The following SEC31A variants were observed in gnomAD, a reference collection of about 807,000 sequenced individuals.
SEC31A encodes the protein protein transport protein Sec31A.
In SEC31A, 70 loss-of-function variants were observed where a neutral mutation model predicts 151.0. The ratio of observed to expected loss-of-function variants is 0.46; its 90% CI spans 0.38 to 0.57. The LOEUF is 0.57. Ranked by LOEUF, SEC31A falls within the 20% of genes least tolerant of loss-of-function variation. SEC31A has a pLI of 0.00. For synonymous variants in SEC31A, 475 were observed against 505.9 expected (o/e 0.94, Z 0.82); for missense variants, 1,330 against 1,471.2 (o/e 0.90, Z 1.57).
chr4:82,858,334 G>A (rs888965728), intron 14 of SEC31A, among the ~76,000 whole-genome samples: 42 of 149,656 alleles, frequency 2.8e-4, no homozygotes, highest in African/African-American at 5.4e-4. Context: ...TCACGAGGTC[G>A]GGAGATCGAG....
At chr4:82,876,028 TAAC>T (rs1007271622) in intron 4 of SEC31A, among the ~76,000 whole-genome samples, 7 of 152,124 alleles carry the variant, frequency 4.6e-5, no homozygotes, top group African/African-American at 1.7e-4. Flanking sequence ...AAATTCTACT[TAAC>T]AAAGACAAAA....
chr4:82,869,503 T>A (rs1303186233), intron 8 of SEC31A, among the ~76,000 whole-genome samples: 1 of 152,078 alleles, frequency 6.6e-6, no homozygotes, highest in Non-Finnish European at 1.5e-5. Context: ...ACACAACTAA[T>A]CACAGGCAAA....
chr4:82,868,877 T>C (rs1307122593), intron 8 of SEC31A, among the ~76,000 whole-genome samples: 2 of 151,974 alleles, frequency 1.3e-5, no homozygotes, highest in African/African-American at 4.8e-5. Context: ...GTATTTGTTG[T>C]GGAGATGGGG....
Position 82,842,445 on chromosome 4 carries a change from CCT to C in SEC31A, c.2661_2662del (p.Gly889ValfsTer20), listed in dbSNP as rs1369334636. On this transcript the variant is annotated frameshift_variant, in exon 22 of 27. Coordinates refer to ENST00000395310, the MANE Select transcript of SEC31A (RefSeq NM_001077207.4). LOFTEE classifies it high-confidence loss of function. The stretch of plus-strand genomic sequence containing the variant: ...CTGAGGTCGATACATTGCTGACCCC[CCT>C]GTTCCGAAGGGATACGGCTGGGCTG... 6.2e-7 allele frequency: 1 copy of C among 1,613,464 alleles called. No homozygotes were observed. Among genetic ancestry groups the C allele is most frequent in the Admixed American group, 1.7e-5 (1 of 59,876 alleles).
intron 22 of SEC31A, among the ~76,000 whole-genome samples, chr4:82,831,556 G>T (rs2149066041): frequency 6.6e-6 from 1 of 152,308 alleles, no homozygotes; most frequent in African/African-American, 2.4e-5. Flanking sequence ...GGGAACTGGA[G>T]AAATGGGGTG....
chr4:82,838,829 C>T (rs913553118), intron 22 of SEC31A, among the ~76,000 whole-genome samples: 6 of 152,208 alleles, frequency 3.9e-5, no homozygotes, highest in African/African-American at 1.4e-4. Context: ...ATTAGTTTCT[C>T]TGAGCCCTGA....
chr4:82,848,618 TGA>T (rs544293790), intron 20 of SEC31A, among the ~76,000 whole-genome samples, 184 bp downstream of exon 20: 31 of 152,282 alleles, frequency 2.0e-4, no homozygotes, highest in African/African-American at 7.2e-4. Flanking sequence ...TTTGACTAAA[TGA>T]GAGAGATGAT....
intron 22 of SEC31A, among the ~76,000 whole-genome samples, chr4:82,830,231 C>A (rs749455179): frequency 1.3e-5 from 2 of 152,122 alleles, no homozygotes; most frequent in African/African-American, 4.8e-5. Flanking sequence ...TGGGCTGAGG[C>A]GGGTGGATCA....
chr4:82,899,140 T>C lies in SEC31A; in HGVS notation c.-2+573A>G, dbSNP rs1720192276. On this transcript the variant is annotated intron_variant, in intron 3 of 28. Transcript: ENST00000355196. The stretch of plus-strand genomic sequence containing the variant: ...ATATTAGTTCATAATTCCACTTACA[T>C]GAAGTGTACAGAGCAGGCAGAGGCA... Among the ~76,000 whole-genome samples the C allele has an allele frequency of 2.0e-5, 3 of 152,270 alleles. No individual in the cohort carries two copies. The South Asian group carries it at 6.2e-4, about 32-fold the overall frequency.
chr4:82,820,734 T>C (rs1403206399), intron 26 of SEC31A, among the ~76,000 whole-genome samples: 2 of 152,132 alleles, frequency 1.3e-5, no homozygotes, highest in South Asian at 4.1e-4. Context: ...AACTGGGCCA[T>C]ATAAAAGGAA....
At chr4:82,890,826 G>A (rs1719555853) in intron 1 of SEC31A, 5 of 1,321,662 alleles carry the variant, frequency 3.8e-6, no homozygotes, top group Non-Finnish European at 2.9e-6. Context: ...TCCCCGGCAA[G>A]ACACTGTCGC....
chr4:82,893,100 CTG>C (rs1301049669), upstream of SEC31A: 2 of 152,152 alleles, frequency 1.3e-5, no homozygotes, highest in African/African-American at 4.8e-5. Context: ...CAGGTTTTTG[CTG>C]TGTTGCCCAG....
chr4:82,828,055 C>T lies in SEC31A; in HGVS notation c.3028-423G>A, dbSNP rs187330510. Among the ~76,000 whole-genome samples the T allele has an allele frequency of 5.9e-5, 9 of 152,268 alleles. No homozygotes were observed. In the East Asian group the frequency reaches 1.5e-3, roughly 26 times the overall value. On this transcript the variant is annotated intron_variant, in intron 23 of 26. Coordinates refer to ENST00000395310, the MANE Select transcript of SEC31A (RefSeq NM_001077207.4). ...TCAGCCTCCCAAGTAGCTGGGATTA[C>T]AGGCGCGTGCCACCACGCCCAGCTA...
upstream of SEC31A, chr4:82,894,560 C>T (rs1719981422): frequency 6.6e-6 from 1 of 152,210 alleles, no homozygotes; most frequent in Non-Finnish European, 1.5e-5. Flanking sequence ...ACGCCATGAA[C>T]TAACTTTTTT....
At chr4:82,860,054 A>G (rs903363642) in intron 14 of SEC31A, among the ~76,000 whole-genome samples, 2 of 152,090 alleles carry the variant, frequency 1.3e-5, no homozygotes, top group African/African-American at 2.4e-5. Flanking sequence ...GGCCTCCCAA[A>G]GTGCTGGGAT....
At chr4:82,820,579 C>T (rs576706212) in intron 26 of SEC31A, among the ~76,000 whole-genome samples, 1 of 152,118 alleles carries the variant, frequency 6.6e-6, no homozygotes, top group South Asian at 2.1e-4. Context: ...CAGCACATTA[C>T]CCTATTCATC....
At chr4:82,843,862 G>A (rs1468063605) in intron 21 of SEC31A, 1 of 152,274 alleles carries the variant, frequency 6.6e-6, no homozygotes, top group African/African-American at 2.4e-5. Context: ...TAGGTTCATC[G>A]ATTGTAACAA....
chr4:82,830,356 G>A (rs1725654026), intron 22 of SEC31A, among the ~76,000 whole-genome samples: 3 of 152,170 alleles, frequency 2.0e-5, no homozygotes, highest in Admixed American at 6.5e-5. Context: ...AGCTACCCAG[G>A]AGCTGAGGCA....
rs866741910 is a variant in SEC31A, at chr4:82,837,202, T to A, written c.2968+4938A>T. Among the ~76,000 whole-genome samples, 656 of 133,844 alleles carry A rather than the reference T, an allele frequency of 4.9e-3. 33 individuals carry two copies. Among genetic ancestry groups the A allele is most frequent in the Non-Finnish European group, 7.8e-3 (482 of 61,524 alleles). 87.8% of individuals were successfully genotyped at this position (133,844 alleles called of 152,430 possible). A position where few individuals can be genotyped will look rare whatever the true frequency, so the allele number is the denominator to read the frequency against. On this transcript the variant is annotated intron_variant, in intron 22 of 26. Coordinates refer to ENST00000395310, the MANE Select transcript of SEC31A (RefSeq NM_001077207.4). ...ATATATATATATATATATATATAAT[T>A]TCACCACAATAAAAACTTTAATGCA...
Sources: allele counts gnomAD v4.1 joint callset (sites outside exome capture counted in the v4.1 genomes callset), GRCh38; gene constraint gnomAD v4.1.1; transcripts MANE v1.5; gene names NCBI Gene and HGNC (gene_info 2026-07-23, HGNC 2026-07-21).